Variants in IGFBP7 observed in about 807,000 individuals in gnomAD.
IGFBP7 encodes the protein insulin-like growth factor-binding protein 7.
IGFBP7 carries 31 observed loss-of-function variants against 29.4 expected under a neutral mutation model. The ratio of observed to expected loss-of-function variants is 1.05; its 90% CI spans 0.79 to 1.42. IGFBP7 has a LOEUF of 1.42. Among genes scored for constraint, IGFBP7 ranks in the 40% most tolerant of loss-of-function variants. The pLI is 0.00. For missense variants in IGFBP7, 393 were observed against 395.5 expected, an observed-to-expected ratio of 0.99 and a Z score of 0.05; for synonymous variants, 172 against 174.9, an observed-to-expected ratio of 0.98 and a Z score of 0.13.
intron 1 of IGFBP7, among the ~76,000 whole-genome samples, chr4:57,083,887 G>T (rs573020093): frequency 1.3e-5 from 2 of 152,128 alleles, no homozygotes; most frequent in East Asian, 3.9e-4. Flanking sequence ...TTTTTATTAA[G>T]AATTTTTCTT....
chr4:57,032,590 GTCT>G (rs1384960380), intron 3 of IGFBP7, 38 bp from the exon 4 acceptor site: 2 of 1,519,898 alleles, frequency 1.3e-6, no homozygotes, highest in African/African-American at 1.4e-5. Context: ...CTCTGTGGTG[GTCT>G]TCTCTTTTGT....
intron 2 of IGFBP7, among the ~76,000 whole-genome samples, chr4:57,037,908 C>A (rs188967910): frequency 1.3e-4 from 20 of 152,314 alleles, no homozygotes; most frequent in African/African-American, 4.8e-4. Context: ...CAGTGAGGAA[C>A]GCCTGCAGTT....
intron 1 of IGFBP7, among the ~76,000 whole-genome samples, chr4:57,086,611 G>A (rs1291200030): frequency 6.6e-6 from 1 of 152,106 alleles, no homozygotes; most frequent in African/African-American, 2.4e-5. Flanking sequence ...GGGATAGCTT[G>A]TCACCTTTTT....
chr4:57,054,172 C>T (rs1724583039), intron 1 of IGFBP7, among the ~76,000 whole-genome samples: 1 of 152,064 alleles, frequency 6.6e-6, no homozygotes, highest in South Asian at 2.1e-4. Context: ...TCTTGGAGTC[C>T]CTGCCCACTC....
intron 1 of IGFBP7, among the ~76,000 whole-genome samples, chr4:57,057,309 C>T (rs960250805): frequency 2.0e-5 from 3 of 152,146 alleles, no homozygotes; most frequent in African/African-American, 7.2e-5. Context: ...TGCACCCATC[C>T]GTAGATTGGG....
At chr4:57,073,914 G>C (rs1718851) in intron 1 of IGFBP7, among the ~76,000 whole-genome samples, 96,604 of 152,008 alleles carry the variant, frequency 0.64, 31,212 homozygotes, top group East Asian at 0.88. Flanking sequence ...TGAGGAAAAA[G>C]GGAAGAGGAA....
At chr4:57,040,154 A>G (rs952736529) in intron 2 of IGFBP7, among the ~76,000 whole-genome samples, 2 of 152,074 alleles carry the variant, frequency 1.3e-5, no homozygotes, top group Non-Finnish European at 2.9e-5. Flanking sequence ...ACTTAGGAGA[A>G]TAGATCCCAC....
chr4:57,073,279 G>C, intron 1 of IGFBP7: 2 of 546,580 alleles, frequency 3.7e-6, no homozygotes, highest in Non-Finnish European at 6.2e-6. Flanking sequence ...CTCCAGTTGA[G>C]TGCTTGTGAT....
chr4:57,086,406 C>T (rs921187874), intron 1 of IGFBP7, among the ~76,000 whole-genome samples: 6 of 152,186 alleles, frequency 3.9e-5, no homozygotes, highest in African/African-American at 1.2e-4. Context: ...GCCCCTTCCA[C>T]CCTTTGGGTC....
intron 1 of IGFBP7, among the ~76,000 whole-genome samples, chr4:57,062,503 C>T (rs1724822819): frequency 6.6e-6 from 1 of 152,150 alleles, no homozygotes; most frequent in African/African-American, 2.4e-5. Flanking sequence ...AGACTTGCAA[C>T]CCCAAATAGG....
intron 1 of IGFBP7, among the ~76,000 whole-genome samples, chr4:57,048,296 G>A (rs1724415825): frequency 6.6e-6 from 1 of 152,236 alleles, no homozygotes; most frequent in East Asian, 1.9e-4. Context: ...TGATCCACCT[G>A]CCTCGGCCTC....
intron 1 of IGFBP7, among the ~76,000 whole-genome samples, chr4:57,042,377 C>G (rs1724249709): frequency 6.6e-6 from 1 of 151,850 alleles, no homozygotes; most frequent in African/African-American, 2.4e-5. Flanking sequence ...TGAGACAGAA[C>G]CTTACTCTGT....
At chr4:57,048,711 A>T (rs1518584) in intron 1 of IGFBP7, among the ~76,000 whole-genome samples, 12,678 of 152,258 alleles carry the variant, frequency 0.083, 718 homozygotes, top group Non-Finnish European at 0.12. Context: ...TTGAAGAAGT[A>T]TGTGAACAAT....
chr4:57,091,848 G>T (rs1354315818), intron 1 of IGFBP7, among the ~76,000 whole-genome samples: 1 of 152,220 alleles, frequency 6.6e-6, no homozygotes, highest in Non-Finnish European at 1.5e-5. Context: ...AAGGGCACGT[G>T]TGGTAAAAAT....
chr4:57,075,714 G>C (rs185245220), intron 1 of IGFBP7, among the ~76,000 whole-genome samples: 17 of 152,020 alleles, frequency 1.1e-4, no homozygotes, highest in African/African-American at 3.9e-4. Context: ...AAAAGCTAAA[G>C]AGAATTTGAC....
intron 1 of IGFBP7, among the ~76,000 whole-genome samples, chr4:57,106,952 T>C (rs1560511100): frequency 6.6e-6 from 1 of 152,164 alleles, no homozygotes; most frequent in Non-Finnish European, 1.5e-5. Flanking sequence ...GTTCCAAGAT[T>C]TGAAATTATT....
In IGFBP7 at chr4:57,095,208, A is replaced by G. The variant is rs116268392; in HGVS notation, c.475+14669T>C. On this transcript the variant is annotated intron_variant, in intron 1 of 4. Transcript: ENST00000295666. ...TTGGCCATGAGTTCAATGTTAATGAATCGTAATTTATATTAAATAACGTGC... is the reference window on the plus strand; with the variant it reads ...TTGGCCATGAGTTCAATGTTAATGAGTCGTAATTTATATTAAATAACGTGC... 8.3e-3 allele frequency among the ~76,000 whole-genome samples: 1,260 copies of G among 152,352 alleles called. 8 individuals carry two copies. The highest frequency in any genetic ancestry group is 0.013 in the Non-Finnish European group (905 of 68,034).
At chr4:57,088,235 C>A (rs1296246963) in intron 1 of IGFBP7, among the ~76,000 whole-genome samples, 2 of 152,102 alleles carry the variant, frequency 1.3e-5, no homozygotes, top group African/African-American at 4.8e-5. Context: ...CTCAGCCTCC[C>A]AAAGTATCGG....
intron 1 of IGFBP7, among the ~76,000 whole-genome samples, chr4:57,096,232 C>G (rs1725761348): frequency 1.3e-5 from 2 of 149,224 alleles, no homozygotes; most frequent in African/African-American, 5.0e-5. Flanking sequence ...GCTGCCTGCA[C>G]TACATTGGGT....
Sources: allele counts gnomAD v4.1 joint callset (sites outside exome capture counted in the v4.1 genomes callset), GRCh38; gene constraint gnomAD v4.1.1; transcripts MANE v1.5; gene names NCBI Gene and HGNC (gene_info 2026-07-23, HGNC 2026-07-21).